The following CADM2 variants were observed in gnomAD, a reference collection of about 807,000 sequenced individuals.
CADM2 encodes the protein immunoglobulin superfamily member 4D.
CADM2 carries 12 observed loss-of-function variants against 49.8 expected under a neutral mutation model. The ratio of observed to expected loss-of-function variants is 0.24; its 90% CI spans 0.15 to 0.39. CADM2 has a LOEUF of 0.39. CADM2 is among the 10% of genes least tolerant of loss of function. The probability of loss-of-function intolerance (pLI) is 1.00; values close to 1 mark genes in which losing one functional copy is unlikely to be tolerated. For synonymous variants in CADM2, 214 were observed against 175.4 expected (o/e 1.22, Z -1.74); for missense variants, 378 against 492.3 (o/e 0.77, Z 2.20).
chr3:85,583,812 T>G (rs961716611), intron 1 of CADM2, among the ~76,000 whole-genome samples: 6 of 151,698 alleles, frequency 4.0e-5, no homozygotes, highest in Admixed American at 2.0e-4. Flanking sequence ...GAAATTACAT[T>G]TTTTTAAAGA....
intron 1 of CADM2, among the ~76,000 whole-genome samples, chr3:85,021,688 T>A (rs1343195495): frequency 4.6e-5 from 7 of 152,006 alleles, no homozygotes; most frequent in Non-Finnish European, 1.0e-4. Context: ...GGCAGGAGAA[T>A]CGCTTGAACC....
intron 1 of CADM2, among the ~76,000 whole-genome samples, chr3:85,450,388 C>G (rs912163714): frequency 2.6e-5 from 4 of 151,884 alleles, no homozygotes; most frequent in Admixed American, 6.6e-5. Flanking sequence ...CACATAAATA[C>G]GCATACATGA....
At chr3:86,010,693 TAG>T (rs892097766) in intron 8 of CADM2, among the ~76,000 whole-genome samples, 1 of 150,944 alleles carries the variant, frequency 6.6e-6, no homozygotes, top group African/African-American at 2.4e-5. Context: ...TAAAAATAAA[TAG>T]AACATAATAA....
In CADM2 at chr3:85,898,955, A is replaced by ATATATATATATATATATAT. The variant is rs1475991339; in HGVS notation, c.529+12629_529+12630insATATATATATATATATATT. On this transcript the variant is annotated intron_variant, in intron 5 of 9. Transcript: ENST00000383699. ...TTATTGTGTATATATATATATATAT[A>ATATATATATATATATATAT]TTTTTTTTTTTTTTTTTTTTTTTTT... Among the ~76,000 whole-genome samples the ATATATATATATATATATAT allele has an allele frequency of 1.5e-4, 5 of 33,916 alleles. 1 individual carries two copies. Among genetic ancestry groups the ATATATATATATATATATAT allele is most frequent in the African/African-American group, 4.4e-4 (3 of 6,888 alleles). The allele number at this position is 33,916 out of a possible 152,430, so 22.3% of individuals were successfully genotyped here.
At chr3:86,014,086 A>C in intron 8 of CADM2, 1 of 1,292,012 alleles carries the variant, frequency 7.7e-7, no homozygotes, top group South Asian at 1.6e-5. Context: ...GAAAGGGGTA[A>C]AGAACTGAAG....
chr3:85,482,520 T>G (rs542430995), intron 1 of CADM2, among the ~76,000 whole-genome samples: 43 of 151,932 alleles, frequency 2.8e-4, no homozygotes, highest in Admixed American at 2.8e-3. Context: ...TTTTGCTAAG[T>G]GTATTCCTGT....
At position 85,422,741 on chromosome 3, in the gene CADM2, G is replaced by A. The variant is rs9835262; in HGVS notation, c.62-303781G>A. On this transcript the variant is annotated intron_variant, in intron 1 of 9. Transcript: ENST00000383699. ...ACCCCCTTGTGAGATGGGCAACTGG[G>A]GTGTGTCTTTTTTATTTGGCTGGGC... Among the ~76,000 whole-genome samples the A allele has an allele frequency of 2.7e-3, 411 of 152,086 alleles. 2 individuals are homozygous for A. The highest frequency in any genetic ancestry group is 9.3e-3 in the African/African-American group (386 of 41,474).
At chr3:85,486,467 C>T (rs1311904182) in intron 1 of CADM2, among the ~76,000 whole-genome samples, 1 of 152,120 alleles carries the variant, frequency 6.6e-6, no homozygotes, top group Admixed American at 6.5e-5. Flanking sequence ...CCAGTTCCGA[C>T]ATAAATGCCT....
intron 1 of CADM2, among the ~76,000 whole-genome samples, chr3:85,372,213 T>C (rs986311447): frequency 6.6e-6 from 1 of 151,956 alleles, no homozygotes; most frequent in African/African-American, 2.4e-5. Context: ...AAATATATTT[T>C]GACAATATAC....
intron 1 of CADM2, 142 bp downstream of exon 1, chr3:84,959,810 A>AG (rs2030278835): frequency 1.7e-5 from 13 of 778,024 alleles, no homozygotes; most frequent in South Asian, 1.6e-4. Flanking sequence ...CTGGTGCGGC[A>AG]GGGGGCAGTG....
rs116851355 is a variant in CADM2, at chr3:86,069,827, C to G, written c.*3044C>G. 1.4e-4 allele frequency: 22 copies of G among 152,016 alleles called. No individual in the cohort carries two copies. In the East Asian group the frequency reaches 3.9e-3, roughly 27 times the overall value. 9.4% of individuals were successfully genotyped at this position (152,016 alleles called of 1,614,324 possible). A position where few individuals can be genotyped will look rare whatever the true frequency, so the allele number is the denominator to read the frequency against. The stretch of plus-strand genomic sequence containing the variant: ...AAAATCAAGTCTAAGCGGCATTTTA[C>G]TTTTCTTTTCTTTTTTATTTTCCAT... On this transcript the variant is annotated 3_prime_UTR_variant, in exon 10 of 10. Coordinates refer to ENST00000383699, the MANE Select transcript of CADM2 (RefSeq NM_001167675.2).
At chr3:85,890,234 G>T (rs1406703887) in intron 5 of CADM2, among the ~76,000 whole-genome samples, 3 of 152,106 alleles carry the variant, frequency 2.0e-5, no homozygotes, top group African/African-American at 7.2e-5. Context: ...AATGAGACAA[G>T]TGGTTACATT....
intron 1 of CADM2, among the ~76,000 whole-genome samples, chr3:84,977,775 T>C (rs1318192366): frequency 1.3e-5 from 2 of 152,088 alleles, no homozygotes; most frequent in African/African-American, 4.8e-5. Flanking sequence ...TCATCGTTGA[T>C]TTGTTTTCAT....
At chr3:85,140,095 C>T (rs75771548) in intron 1 of CADM2, among the ~76,000 whole-genome samples, 4,656 of 152,138 alleles carry the variant, frequency 0.031, 100 homozygotes, top group South Asian at 0.043. Flanking sequence ...AGCTAAGATT[C>T]GGGAGCTGGA....
Position 84,959,054 on chromosome 3 carries a change from AGCCGCCACTGCC to A in CADM2, c.-547_-536del, listed in dbSNP as rs931482076. On this transcript the variant is annotated 5_prime_UTR_variant, in exon 1 of 10. Transcript: ENST00000383699. ...CGCCGCTGCAGCCGGAGCATCCGGG[AGCCGCCACTGCC>A]GCCGCCGCTGCCGCTGCTACCGCCA... 7 of 192,646 alleles carry A rather than the reference AGCCGCCACTGCC, an allele frequency of 3.6e-5. No homozygotes were observed. The highest frequency in any genetic ancestry group is 3.2e-4 in the Admixed American group (5 of 15,460). 11.9% of individuals were successfully genotyped at this position (192,646 alleles called of 1,614,324 possible).
At chr3:85,876,046 T>G (rs377748304) in intron 3 of CADM2, among the ~76,000 whole-genome samples, 1 of 152,146 alleles carries the variant, frequency 6.6e-6, no homozygotes, top group African/African-American at 2.4e-5. Flanking sequence ...ACCCCGTGGT[T>G]GTTGAAATCC....
chr3:85,076,077 AG>A (rs2036930496), intron 1 of CADM2, among the ~76,000 whole-genome samples: 1 of 151,562 alleles, frequency 6.6e-6, no homozygotes, highest in Non-Finnish European at 1.5e-5. Flanking sequence ...AAAAAAAAAA[AG>A]GTAGTTACCA....
intron 8 of CADM2, chr3:86,014,695 C>T (rs577233206): frequency 2.0e-5 from 30 of 1,531,544 alleles, no homozygotes; most frequent in African/African-American, 1.4e-4. Context: ...TTCAATACAC[C>T]GGAGGAACAC....
intron 1 of CADM2, among the ~76,000 whole-genome samples, chr3:85,155,344 G>A (rs2040073744): frequency 6.6e-6 from 1 of 150,962 alleles, no homozygotes; most frequent in African/African-American, 2.4e-5. Flanking sequence ...AGACAAAGAA[G>A]GCCATTACAT....
Sources: allele counts gnomAD v4.1 joint callset (sites outside exome capture counted in the v4.1 genomes callset), GRCh38; gene constraint gnomAD v4.1.1; transcripts MANE v1.5; gene names NCBI Gene and HGNC (gene_info 2026-07-23, HGNC 2026-07-21).